The following AGBL4 variants were observed in gnomAD, a reference collection of about 807,000 sequenced individuals.
AGBL4 encodes the protein AGBL carboxypeptidase 4, also known as cytosolic carboxypeptidase 6.
A neutral mutation model predicts 66.4 loss-of-function variants in AGBL4; 58 were observed. The observed-to-expected ratio is 0.87, with a 90% CI of 0.71 to 1.09. The LOEUF (loss-of-function observed/expected upper bound fraction) is 1.09, where lower values mean the gene tolerates loss of function less well. Ranked by LOEUF, AGBL4 falls within the 50% of genes least tolerant of loss-of-function variation. The pLI is 0.00. For synonymous variants in AGBL4, 234 were observed against 222.9 expected (o/e 1.05, Z -0.44); for missense variants, 579 against 631.0 (o/e 0.92, Z 0.88).
intron 3 of AGBL4, among the ~76,000 whole-genome samples, chr1:49,359,776 C>T (rs1644098531): frequency 6.6e-6 from 1 of 152,148 alleles, no homozygotes; most frequent in South Asian, 2.1e-4. Context: ...GAGAAAGGGC[C>T]ATGTACCCAC....
intron 2 of AGBL4, among the ~76,000 whole-genome samples, chr1:49,793,826 G>A (rs556113624): frequency 2.6e-5 from 4 of 151,920 alleles, no homozygotes; most frequent in Non-Finnish European, 4.4e-5. Flanking sequence ...CTAACTCTTA[G>A]GATTTTATTA....
intron 4 of AGBL4, among the ~76,000 whole-genome samples, chr1:49,124,106 A>G (rs1645718106): frequency 6.6e-6 from 1 of 152,196 alleles, no homozygotes; most frequent in Non-Finnish European, 1.5e-5. Flanking sequence ...GAAGTTCTGT[A>G]TTTTTATAAT....
chr1:49,056,836 A>C (rs1402850038), intron 4 of AGBL4, among the ~76,000 whole-genome samples: 1 of 152,316 alleles, frequency 6.6e-6, no homozygotes, highest in East Asian at 1.9e-4. Context: ...GATGGATTGG[A>C]TAAGAAAATG....
chr1:48,561,934 C>A (rs925454665), intron 11 of AGBL4, among the ~76,000 whole-genome samples: 3 of 152,126 alleles, frequency 2.0e-5, no homozygotes, highest in African/African-American at 7.2e-5. Flanking sequence ...TAATAAATGT[C>A]TTTATGCATA....
intron 3 of AGBL4, among the ~76,000 whole-genome samples, chr1:49,612,017 G>A (rs545555291): frequency 2.0e-5 from 3 of 152,266 alleles, no homozygotes; most frequent in African/African-American, 7.2e-5. Flanking sequence ...GTCTGAGAAA[G>A]TTAAAAGCCT....
At chr1:49,640,304 T>A (rs1159155430) in intron 3 of AGBL4, among the ~76,000 whole-genome samples, 2 of 152,152 alleles carry the variant, frequency 1.3e-5, no homozygotes, top group Admixed American at 1.3e-4. Flanking sequence ...GAAATAAATA[T>A]AACTGCAATA....
chr1:49,232,372 G>A (rs1423979972), intron 4 of AGBL4, among the ~76,000 whole-genome samples: 1 of 151,972 alleles, frequency 6.6e-6, no homozygotes, highest in East Asian at 1.9e-4. Context: ...GAGTAACTTT[G>A]GACTCAAGAA....
At chr1:49,884,391 A>G (rs1333049424) in intron 1 of AGBL4, among the ~76,000 whole-genome samples, 1 of 151,934 alleles carries the variant, frequency 6.6e-6, no homozygotes. Context: ...CCTTATCATT[A>G]CTATTATTAA....
At chr1:49,731,606 TAAGC>T (rs1649456378) in intron 2 of AGBL4, among the ~76,000 whole-genome samples, 2 of 152,076 alleles carry the variant, frequency 1.3e-5, no homozygotes, top group Non-Finnish European at 2.9e-5. Flanking sequence ...TATAAAAGTA[TAAGC>T]AACAAAAGAA....
At chr1:49,891,979 G>A (rs914193858) in intron 1 of AGBL4, among the ~76,000 whole-genome samples, 19 of 152,306 alleles carry the variant, frequency 1.2e-4, no homozygotes, top group African/African-American at 4.3e-4. Flanking sequence ...TAAGACGGCA[G>A]CTGAGAGGCA....
intron 5 of AGBL4, among the ~76,000 whole-genome samples, chr1:49,002,671 T>TA (rs771720917): frequency 6.6e-6 from 1 of 152,206 alleles, no homozygotes; most frequent in Non-Finnish European, 1.5e-5. Flanking sequence ...TTTATTCTGT[T>TA]AAAGTGCAGT....
At chr1:48,796,534 G>A (rs989928063) in intron 6 of AGBL4, among the ~76,000 whole-genome samples, 2 of 152,182 alleles carry the variant, frequency 1.3e-5, no homozygotes, top group Non-Finnish European at 2.9e-5. Context: ...GGAAGCACTG[G>A]AGGTTGTGGG....
At chr1:49,969,974 G>A (rs1376261146) in intron 1 of AGBL4, among the ~76,000 whole-genome samples, 1 of 152,120 alleles carries the variant, frequency 6.6e-6, no homozygotes, top group African/African-American at 2.4e-5. Flanking sequence ...TCTTTGACAA[G>A]CGTACCAAGA....
At chr1:49,972,200 C>T (rs1302832911) in intron 1 of AGBL4, among the ~76,000 whole-genome samples, 1 of 151,712 alleles carries the variant, frequency 6.6e-6, no homozygotes, top group Non-Finnish European at 1.5e-5. Flanking sequence ...TGAGCCACCA[C>T]GCCCGGCCCA....
intron 6 of AGBL4, among the ~76,000 whole-genome samples, chr1:48,851,322 T>G (rs894789123): frequency 6.6e-6 from 1 of 152,138 alleles, no homozygotes; most frequent in Admixed American, 6.6e-5. Context: ...CCAAGAGATT[T>G]TGAGTAAAAA....
At chr1:49,322,423 T>C (rs1165637239) in intron 3 of AGBL4, among the ~76,000 whole-genome samples, 1 of 152,172 alleles carries the variant, frequency 6.6e-6, no homozygotes, top group Non-Finnish European at 1.5e-5. Flanking sequence ...ATGTAGTAGG[T>C]TGAATGACAG....
At chr1:49,215,186 C>T (rs1648988041) in intron 4 of AGBL4, among the ~76,000 whole-genome samples, 1 of 152,068 alleles carries the variant, frequency 6.6e-6, no homozygotes, top group Non-Finnish European at 1.5e-5. Flanking sequence ...AATATTTGTT[C>T]TGTTCCTCAT....
intron 4 of AGBL4, 149 bp from the exon 5 acceptor site, chr1:49,045,949 T>C (rs915488921): frequency 8.9e-5 from 63 of 708,610 alleles, no homozygotes; most frequent in Non-Finnish European, 1.3e-4. Flanking sequence ...AAACCACATA[T>C]TGTTTAAAAC....
intron 4 of AGBL4, among the ~76,000 whole-genome samples, chr1:49,160,042 A>G (rs1252903586): frequency 6.6e-6 from 1 of 152,138 alleles, no homozygotes; most frequent in Non-Finnish European, 1.5e-5. Context: ...TTGTTATTAC[A>G]CACCTTCAAA....
Sources: allele counts gnomAD v4.1 joint callset (sites outside exome capture counted in the v4.1 genomes callset), GRCh38; gene constraint gnomAD v4.1.1; transcripts MANE v1.5; gene names NCBI Gene and HGNC (gene_info 2026-07-23, HGNC 2026-07-21).